The following PTPRD variants were observed in gnomAD, a reference collection of about 807,000 sequenced individuals.
PTPRD encodes protein tyrosine phosphatase receptor type D.
A neutral mutation model predicts 214.5 loss-of-function variants in PTPRD; 34 were observed. The ratio of observed to expected loss-of-function variants is 0.16; its 90% CI spans 0.12 to 0.21. PTPRD has a LOEUF of 0.21. Among genes scored for constraint, PTPRD ranks in the 10% least tolerant of loss-of-function variants. The pLI is 1.00. For synonymous variants in PTPRD, 1,128 were observed against 845.7 expected, an observed-to-expected ratio of 1.33 and a Z score of -5.79; for missense variants, 2,545 against 2,398.7, an observed-to-expected ratio of 1.06 and a Z score of -1.27.
chr9:10,132,927 C>G (rs2098908876), intron 3 of PTPRD, among the ~76,000 whole-genome samples: 2 of 147,730 alleles, frequency 1.4e-5, no homozygotes, highest in South Asian at 4.5e-4. Flanking sequence ...TAGGATACAA[C>G]AGAAGTGATG....
intron 6 of PTPRD, among the ~76,000 whole-genome samples, chr9:9,749,470 C>G (rs544616414): frequency 1.3e-5 from 2 of 152,180 alleles, no homozygotes; most frequent in South Asian, 4.1e-4. Context: ...ATTTATTGAT[C>G]CCCTAAACCC....
intron 2 of PTPRD, among the ~76,000 whole-genome samples, chr9:10,507,518 T>A (rs2046428629): frequency 6.6e-6 from 1 of 152,044 alleles, no homozygotes; most frequent in African/African-American, 2.4e-5. Context: ...AGAACAAAGC[T>A]GGAGGAATCA....
Position 8,733,828 on chromosome 9 carries a change from T to G in PTPRD, c.16A>C (p.Arg6=). 1 of 1,552,206 alleles carries G rather than the reference T, an allele frequency of 6.4e-7. No homozygotes were observed. ...AAAGTGAGGAGCAGCAGCAGCAGCC[T>G]GGCTACGTGCACCATCCTGCAGCTT... is the stretch of plus-strand genomic sequence containing the variant. MVHVA[R]LLLLLLTFFL... Residue 6 remains arginine (R), a synonymous_variant, in exon 12 of 46, where the codon AGG becomes CGG. Coordinates refer to ENST00000381196, the MANE Select transcript of PTPRD (RefSeq NM_002839.4).
chr9:10,223,087 G>A (rs1261484728), intron 3 of PTPRD, among the ~76,000 whole-genome samples: 1 of 151,834 alleles, frequency 6.6e-6, no homozygotes, highest in Admixed American at 6.6e-5. Flanking sequence ...TCTTTTCATT[G>A]TTTCTGCTCT....
At chr9:8,571,202 A>C (rs1202755697) in intron 14 of PTPRD, among the ~76,000 whole-genome samples, 1 of 152,204 alleles carries the variant, frequency 6.6e-6, no homozygotes, top group South Asian at 2.1e-4. Context: ...CTCTTTTAAC[A>C]CTTTCCTACT....
chr9:9,292,782 A>C (rs755238787), intron 9 of PTPRD, among the ~76,000 whole-genome samples: 4 of 151,340 alleles, frequency 2.6e-5, no homozygotes, highest in Non-Finnish European at 5.9e-5. Context: ...AGATCTTGAC[A>C]GATTTGAGGA....
intron 11 of PTPRD, among the ~76,000 whole-genome samples, chr9:8,991,073 G>A (rs907669530): frequency 6.6e-6 from 1 of 151,556 alleles, no homozygotes; most frequent in Non-Finnish European, 1.5e-5. Flanking sequence ...AAAAAAATTA[G>A]CCAGGCATGT....
chr9:10,526,883 G>A (rs1248326920), intron 2 of PTPRD, among the ~76,000 whole-genome samples: 1 of 152,086 alleles, frequency 6.6e-6, no homozygotes, highest in Non-Finnish European at 1.5e-5. Context: ...TGTCTGTGAG[G>A]AAAAGCTTCA....
chr9:9,014,427 G>C (rs1282649381), intron 11 of PTPRD, among the ~76,000 whole-genome samples: 1 of 151,874 alleles, frequency 6.6e-6, no homozygotes, highest in Non-Finnish European at 1.5e-5. Flanking sequence ...TTTTTACTTT[G>C]AACTTTTCTA....
chr9:9,488,553 AT>A (rs1280651276), intron 8 of PTPRD, among the ~76,000 whole-genome samples: 1 of 152,166 alleles, frequency 6.6e-6, no homozygotes, highest in Non-Finnish European at 1.5e-5. Context: ...GTCCCATTAG[AT>A]TTTTAACTAA....
chr9:8,340,657 C>G (rs1008899032), intron 41 of PTPRD, among the ~76,000 whole-genome samples, 188 bp from the exon 42 acceptor site: 1 of 152,072 alleles, frequency 6.6e-6, no homozygotes, highest in Non-Finnish European at 1.5e-5. Flanking sequence ...ACTTCGCAAA[C>G]TAAATTGCTT....
chr9:10,253,213 C>T (rs2092945476), intron 3 of PTPRD, among the ~76,000 whole-genome samples: 1 of 152,112 alleles, frequency 6.6e-6, no homozygotes, highest in Admixed American at 6.6e-5. Context: ...ACTCTGATGT[C>T]TGGCATACGA....
chr9:8,319,793 G>C (rs148730025), intron 45 of PTPRD, 38 bp downstream of exon 45: 1 of 1,610,074 alleles, frequency 6.2e-7, no homozygotes, highest in Non-Finnish European at 8.5e-7. Flanking sequence ...GCAAAACGTA[G>C]GCTCTTGAGA....
At chr9:10,227,236 T>A (rs1013053981) in intron 3 of PTPRD, among the ~76,000 whole-genome samples, 1 of 151,974 alleles carries the variant, frequency 6.6e-6, no homozygotes, top group Non-Finnish European at 1.5e-5. Flanking sequence ...GGATGTGAAA[T>A]TGCATGTTGA....
chr9:8,678,081 G>C (rs372307709), intron 12 of PTPRD, among the ~76,000 whole-genome samples: 3 of 152,120 alleles, frequency 2.0e-5, no homozygotes, highest in East Asian at 3.9e-4. Context: ...ATAAAACACA[G>C]GCAAAACTTT....
chr9:8,344,313 C>T (rs1413484319), intron 39 of PTPRD, among the ~76,000 whole-genome samples: 2 of 152,034 alleles, frequency 1.3e-5, no homozygotes, highest in Non-Finnish European at 2.9e-5. Flanking sequence ...GGACTATTTT[C>T]TCAAAATATG....
intron 7 of PTPRD, among the ~76,000 whole-genome samples, chr9:9,689,181 A>G (rs2097218296): frequency 6.6e-6 from 1 of 151,806 alleles, no homozygotes; most frequent in African/African-American, 2.4e-5. Flanking sequence ...TCACGACCAG[A>G]GACTACTTAT....
At chr9:9,923,107 GACT>G (rs2083068058) in intron 5 of PTPRD, among the ~76,000 whole-genome samples, 1 of 142,770 alleles carries the variant, frequency 7.0e-6, no homozygotes. Context: ...AAAAAAAAAG[GACT>G]GTGTGTGTGG....
At chr9:10,328,405 T>G (rs935812149) in intron 3 of PTPRD, among the ~76,000 whole-genome samples, 27 of 151,754 alleles carry the variant, frequency 1.8e-4, no homozygotes, top group African/African-American at 6.0e-4. Context: ...CCTTAAAAAG[T>G]AAGAGCAGCT....
Sources: allele counts gnomAD v4.1 joint callset (sites outside exome capture counted in the v4.1 genomes callset), GRCh38; gene constraint gnomAD v4.1.1; transcripts MANE v1.5; gene names NCBI Gene and HGNC (gene_info 2026-07-23, HGNC 2026-07-21).